LHFPL3: variants seen among roughly 807,000 people sequenced by gnomAD.
LHFPL3 encodes LHFPL tetraspan subfamily member 3 protein.
In LHFPL3, 5 loss-of-function variants were observed where a neutral mutation model predicts 19.3. That is an observed-to-expected ratio of 0.26 (90% CI 0.14 to 0.54). LHFPL3 has a LOEUF of 0.54. Ranked by LOEUF, LHFPL3 falls within the 20% of genes least tolerant of loss-of-function variation. The pLI is 0.94. For synonymous variants in LHFPL3, 133 were observed against 126.2 expected, an observed-to-expected ratio of 1.05 and a Z score of -0.36; for missense variants, 249 against 307.4, an observed-to-expected ratio of 0.81 and a Z score of 1.42.
At chr7:104,336,512 A>T (rs940746582) in intron 1 of LHFPL3, among the ~76,000 whole-genome samples, 1 of 152,128 alleles carries the variant, frequency 6.6e-6, no homozygotes, top group African/African-American at 2.4e-5. Flanking sequence ...TTAAAAAAAA[A>T]AAAAGAAAAA....
At chr7:104,452,382 T>C (rs1792456922) in intron 1 of LHFPL3, among the ~76,000 whole-genome samples, 1 of 152,236 alleles carries the variant, frequency 6.6e-6, no homozygotes, top group Admixed American at 6.5e-5. Flanking sequence ...GCAGTATCCT[T>C]GTAACTCAAA....
At chr7:104,676,003 G>A (rs1483620713) in intron 1 of LHFPL3, among the ~76,000 whole-genome samples, 1 of 152,176 alleles carries the variant, frequency 6.6e-6, no homozygotes, top group Non-Finnish European at 1.5e-5. Context: ...ATGATCTTTG[G>A]CTAGGTGTTA....
chr7:104,420,764 G>T lies in LHFPL3; in HGVS notation c.445+91540G>T, dbSNP rs111558480. Among the ~76,000 whole-genome samples the T allele has an allele frequency of 8.2e-3, 1,252 of 152,058 alleles. 17 individuals are homozygous for T. The highest frequency in any genetic ancestry group is 0.029 in the African/African-American group (1,183 of 41,490). On this transcript the variant is annotated intron_variant, in intron 1 of 2. Coordinates refer to ENST00000424859, the MANE Select transcript of LHFPL3 (RefSeq NM_199000.3). Reference sequence around the variant, plus strand: ...TTTTTAGTAGAGACGGGGTTTCACCGTGTTAGCCAGGATGGTCTCGATCTC... The same window carrying T: ...TTTTTAGTAGAGACGGGGTTTCACCTTGTTAGCCAGGATGGTCTCGATCTC...
intron 1 of LHFPL3, among the ~76,000 whole-genome samples, chr7:104,419,872 T>C (rs748028347): frequency 5.3e-5 from 8 of 152,178 alleles, no homozygotes; most frequent in Non-Finnish European, 8.8e-5. Flanking sequence ...AAAGCAAATA[T>C]GCTGGATTGG....
At chr7:104,840,594 C>T (rs977424502) in intron 2 of LHFPL3, among the ~76,000 whole-genome samples, 5 of 139,204 alleles carry the variant, frequency 3.6e-5, no homozygotes, top group South Asian at 2.3e-4. Context: ...ACTGGGATTA[C>T]GGGCAGGAGC....
intron 1 of LHFPL3, among the ~76,000 whole-genome samples, chr7:104,395,017 A>G (rs1168260780): frequency 1.3e-5 from 2 of 151,966 alleles, no homozygotes; most frequent in African/African-American, 4.8e-5. Context: ...TCATTTTCTA[A>G]GAACCCAAGC....
rs532335724 is a variant in LHFPL3, at chr7:104,793,186, G to A, written c.682+56275G>A. On this transcript the variant is annotated intron_variant, in intron 2 of 2. Coordinates refer to ENST00000424859, the MANE Select transcript of LHFPL3 (RefSeq NM_199000.3). Reference sequence around the variant, plus strand: ...GATGGGATTACAGGCGTGAGCCACCGCGCCTGGCCCTGCTAGCATTTCTAA... The same window carrying A: ...GATGGGATTACAGGCGTGAGCCACCACGCCTGGCCCTGCTAGCATTTCTAA... 6.6e-5 allele frequency among the ~76,000 whole-genome samples: 10 copies of A among 152,274 alleles called. No homozygotes were observed. The East Asian group carries it at 1.7e-3, about 26-fold the overall frequency.
chr7:104,823,122 G>C (rs953562690), intron 2 of LHFPL3, among the ~76,000 whole-genome samples: 1 of 152,122 alleles, frequency 6.6e-6, no homozygotes, highest in African/African-American at 2.4e-5. Context: ...ACACAGGGAA[G>C]GCCCGAGAAT....
intron 1 of LHFPL3, among the ~76,000 whole-genome samples, chr7:104,487,371 G>C (rs1793255619): frequency 6.6e-6 from 1 of 152,168 alleles, no homozygotes; most frequent in Non-Finnish European, 1.5e-5. Context: ...TCCAGCTCAG[G>C]GTCTCAAGTG....
At chr7:104,349,389 G>A (rs892416641) in intron 1 of LHFPL3, among the ~76,000 whole-genome samples, 11 of 152,150 alleles carry the variant, frequency 7.2e-5, no homozygotes, top group African/African-American at 2.7e-4. Flanking sequence ...GAGTGCAGTT[G>A]TAGAGTAGAT....
intron 1 of LHFPL3, among the ~76,000 whole-genome samples, chr7:104,651,597 G>A (rs1179460423): frequency 6.6e-6 from 1 of 152,238 alleles, no homozygotes; most frequent in Non-Finnish European, 1.5e-5. Context: ...GGATACAAGA[G>A]ATCCAGCATC....
chr7:104,604,492 G>A (rs1378356802), intron 1 of LHFPL3, among the ~76,000 whole-genome samples: 1 of 152,192 alleles, frequency 6.6e-6, no homozygotes, highest in Non-Finnish European at 1.5e-5. Flanking sequence ...CTCCTTAGCG[G>A]ATGGCCACTT....
intron 1 of LHFPL3, among the ~76,000 whole-genome samples, chr7:104,712,561 A>G (rs1278504609): frequency 1.3e-5 from 2 of 152,196 alleles, no homozygotes; most frequent in East Asian, 3.9e-4. Flanking sequence ...CATACCATCC[A>G]TAGCACCCAC....
At chr7:104,586,048 G>A (rs1790569820) in intron 1 of LHFPL3, among the ~76,000 whole-genome samples, 1 of 152,048 alleles carries the variant, frequency 6.6e-6, no homozygotes, top group African/African-American at 2.4e-5. Context: ...GTGTCAGTCA[G>A]TTGAGAATTA....
At chr7:104,704,100 A>T (rs1793146215) in intron 1 of LHFPL3, among the ~76,000 whole-genome samples, 1 of 152,130 alleles carries the variant, frequency 6.6e-6, no homozygotes, top group Non-Finnish European at 1.5e-5. Context: ...ATTTAGACTA[A>T]TCCTTATCTC....
rs529876028 is a variant in LHFPL3 at position 104,807,376 on chromosome 7, G to A, written c.682+70465G>A. Among the ~76,000 whole-genome samples the A allele has an allele frequency of 3.7e-4, 56 of 152,260 alleles. No homozygotes were observed. The East Asian group carries it at 7.5e-3, about 20-fold the overall frequency. On this transcript the variant is annotated intron_variant, in intron 2 of 2. Coordinates refer to ENST00000424859, the MANE Select transcript of LHFPL3 (RefSeq NM_199000.3). ...GCCACCAGAAGGAATCAATCCTGCC[G>A]ACACCTCGATCCTGGACTTCTAGTC...
chr7:104,480,886 T>C (rs1258570973), intron 1 of LHFPL3, among the ~76,000 whole-genome samples: 6 of 152,168 alleles, frequency 3.9e-5, no homozygotes, highest in African/African-American at 1.4e-4. Context: ...ATGGTAGGAA[T>C]TCTGATGTAT....
At chr7:104,778,343 C>T (rs1312364145) in intron 2 of LHFPL3, among the ~76,000 whole-genome samples, 1 of 152,152 alleles carries the variant, frequency 6.6e-6, no homozygotes, top group African/African-American at 2.4e-5. Context: ...CTCACTCATC[C>T]AGAATCAGTT....
intron 1 of LHFPL3, among the ~76,000 whole-genome samples, chr7:104,376,530 T>A (rs1043551948): frequency 6.6e-6 from 1 of 152,194 alleles, no homozygotes; most frequent in African/African-American, 2.4e-5. Context: ...CCTGATAATG[T>A]CCCTGCTACT....
Sources: gnomAD v4.1 joint callset for allele counts (sites outside exome capture counted in the v4.1 genomes callset) on GRCh38, gnomAD v4.1.1 for gene constraint, MANE v1.5 for transcripts, NCBI Gene and HGNC (gene_info 2026-07-23, HGNC 2026-07-21) for gene names.